The following BABAM2 variants were observed in gnomAD, a reference collection of about 807,000 sequenced individuals.
BABAM2 encodes the protein BRISC and BRCA1-A complex member 2.
BABAM2 carries 31 observed loss-of-function variants against 54.7 expected under a neutral mutation model. The observed-to-expected ratio is 0.57, with a 90% CI of 0.43 to 0.77. BABAM2 has a LOEUF of 0.77. BABAM2 is among the 30% of genes least tolerant of loss of function. The pLI is 0.00. For missense variants in BABAM2, 364 were observed against 455.8 expected (o/e 0.80, Z 1.83); for synonymous variants, 167 against 162.9 (o/e 1.03, Z -0.19).
chr2:28,115,499 G>A (rs180949785), intron 6 of BABAM2, among the ~76,000 whole-genome samples: 2,079 of 152,102 alleles, frequency 0.014, 42 homozygotes, highest in African/African-American at 0.047. Context: ...GGTGGCGGGC[G>A]CCTGTAGTCC....
intron 10 of BABAM2, among the ~76,000 whole-genome samples, chr2:28,266,457 A>G (rs1285769103): frequency 6.6e-6 from 1 of 152,224 alleles, no homozygotes; most frequent in Admixed American, 6.5e-5. Context: ...GCTCTTCTTC[A>G]TTCATAAATG....
intron 7 of BABAM2, among the ~76,000 whole-genome samples, chr2:28,230,491 G>A (rs1681275230): frequency 6.6e-6 from 1 of 151,388 alleles, no homozygotes; most frequent in Non-Finnish European, 1.5e-5. Flanking sequence ...CAAGGCAGCA[G>A]ATCACTTGAG....
intron 6 of BABAM2, among the ~76,000 whole-genome samples, chr2:28,081,669 C>T (rs914751533): frequency 6.6e-6 from 1 of 152,212 alleles, no homozygotes; most frequent in Non-Finnish European, 1.5e-5. Context: ...CACTTCCTTT[C>T]CTCTGTTTCC....
At chr2:28,287,725 A>G (rs1558502088) in intron 10 of BABAM2, among the ~76,000 whole-genome samples, 1 of 152,154 alleles carries the variant, frequency 6.6e-6, no homozygotes, top group Admixed American at 6.5e-5. Context: ...GGGAATGAAC[A>G]CAGAGCCAGG....
At chr2:28,130,538 G>A (rs190804054) in intron 7 of BABAM2, among the ~76,000 whole-genome samples, 18 of 151,004 alleles carry the variant, frequency 1.2e-4, no homozygotes, top group Non-Finnish European at 1.9e-4. Context: ...CTGCAGCCTT[G>A]ACCTCCTGGG....
At chr2:27,903,202 T>C (rs897788143) in intron 2 of BABAM2, among the ~76,000 whole-genome samples, 35 of 152,092 alleles carry the variant, frequency 2.3e-4, no homozygotes, top group African/African-American at 8.0e-4. Flanking sequence ...TGCCAGGCTT[T>C]CTGTTTTGGT....
intron 10 of BABAM2, among the ~76,000 whole-genome samples, chr2:28,275,207 A>C (rs1017411573): frequency 6.6e-6 from 1 of 152,212 alleles, no homozygotes; most frequent in Non-Finnish European, 1.5e-5. Flanking sequence ...ATTTGGATGA[A>C]GCCAACGGAT....
intron 6 of BABAM2, among the ~76,000 whole-genome samples, chr2:28,108,815 A>G (rs891630706): frequency 1.3e-5 from 2 of 152,090 alleles, no homozygotes; most frequent in African/African-American, 4.8e-5. Flanking sequence ...GCAAATTTGG[A>G]TATAGCAGAA....
At chr2:27,944,944 T>C (rs1184518376) in intron 3 of BABAM2, among the ~76,000 whole-genome samples, 1 of 152,128 alleles carries the variant, frequency 6.6e-6, no homozygotes, top group Non-Finnish European at 1.5e-5. Context: ...TTGATCCATT[T>C]TGAGCTACCT....
chr2:27,941,416 T>C (rs1465324214), intron 3 of BABAM2, among the ~76,000 whole-genome samples: 1 of 151,804 alleles, frequency 6.6e-6, no homozygotes, highest in Non-Finnish European at 1.5e-5. Flanking sequence ...ATTAGCTGGG[T>C]GTGGTGGCGG....
intron 7 of BABAM2, among the ~76,000 whole-genome samples, chr2:28,140,014 T>A (rs532125236): frequency 6.6e-6 from 1 of 152,286 alleles, no homozygotes; most frequent in African/African-American, 2.4e-5. Context: ...TTCCTTGTAA[T>A]AAACAGAGTT....
chr2:28,194,575 C>CTTTTTTTT (rs10684650), intron 7 of BABAM2, among the ~76,000 whole-genome samples: 6 of 99,198 alleles, frequency 6.0e-5, no homozygotes, highest in East Asian at 2.9e-4. Context: ...ACAACGTAGA[C>CTTTTTTTT]TTTTTTTTTT....
intron 6 of BABAM2, among the ~76,000 whole-genome samples, chr2:28,096,135 G>A (rs1666598352): frequency 6.6e-6 from 1 of 152,098 alleles, no homozygotes. Context: ...GCTCCTGTTG[G>A]TTCAGGGCTA....
chr2:28,207,791 T>C (rs1679028550), intron 7 of BABAM2, among the ~76,000 whole-genome samples: 1 of 152,250 alleles, frequency 6.6e-6, no homozygotes, highest in Non-Finnish European at 1.5e-5. Context: ...GATAGCCTGT[T>C]AATCAGATCT....
At chr2:28,270,578 C>G (rs1685340028) in intron 10 of BABAM2, among the ~76,000 whole-genome samples, 1 of 152,228 alleles carries the variant, frequency 6.6e-6, no homozygotes, top group South Asian at 2.1e-4. Context: ...GTGTATTTGA[C>G]TGTACCTGAA....
chr2:28,259,536 A>G (rs2063183238), intron 10 of BABAM2, among the ~76,000 whole-genome samples: 2 of 152,128 alleles, frequency 1.3e-5, no homozygotes. Context: ...TTCTGCAAAT[A>G]TTGGTTGAGA....
intron 6 of BABAM2, among the ~76,000 whole-genome samples, chr2:28,100,331 G>A (rs1205689308): frequency 5.9e-5 from 9 of 151,790 alleles, no homozygotes; most frequent in Non-Finnish European, 8.8e-5. Flanking sequence ...GTGGTGGCGC[G>A]TGCCTGTAAT....
intron 7 of BABAM2, among the ~76,000 whole-genome samples, chr2:28,147,497 G>A (rs896148097): frequency 8.1e-5 from 12 of 148,700 alleles, no homozygotes; most frequent in East Asian, 2.0e-4. Context: ...TTTTGGAGAC[G>A]GAGTCTCACT....
intron 7 of BABAM2, among the ~76,000 whole-genome samples, chr2:28,135,012 T>C (rs1479198789): frequency 6.6e-6 from 1 of 152,238 alleles, no homozygotes; most frequent in Non-Finnish European, 1.5e-5. Flanking sequence ...GGAATAAATC[T>C]AAGTTTCAGT....
Sources: gnomAD v4.1 joint callset for allele counts (sites outside exome capture counted in the v4.1 genomes callset) on GRCh38, gnomAD v4.1.1 for gene constraint, MANE v1.5 for transcripts, NCBI Gene and HGNC (gene_info 2026-07-23, HGNC 2026-07-21) for gene names.